Variants in CTNND2 observed in about 807,000 individuals in gnomAD.
The protein encoded by CTNND2 is catenin delta 2.
CTNND2 carries 22 observed loss-of-function variants against 144.4 expected under a neutral mutation model. The ratio of observed to expected loss-of-function variants is 0.15; its 90% CI spans 0.11 to 0.22. The LOEUF (loss-of-function observed/expected upper bound fraction) is 0.22. Ranked by LOEUF, CTNND2 falls within the 10% of genes least tolerant of loss-of-function variation. CTNND2 has a pLI of 1.00. For missense variants in CTNND2, 1,353 were observed against 1,618.8 expected, an observed-to-expected ratio of 0.84 and a Z score of 2.82; for synonymous variants, 751 against 695.6, an observed-to-expected ratio of 1.08 and a Z score of -1.25.
At chr5:11,154,047 A>G (rs2149757888) in intron 12 of CTNND2, among the ~76,000 whole-genome samples, 1 of 152,326 alleles carries the variant, frequency 6.6e-6, no homozygotes, top group African/African-American at 2.4e-5. Context: ...TAGGATATGC[A>G]TCGGTGATAT....
chr5:11,722,435 A>G lies in CTNND2; in HGVS notation c.174+9701T>C, dbSNP rs74505606. ...ATGTGCTCAAAAGGAAATGTGCTAA[A>G]ATAAAAAAGTGCCAACAATAAAAGA... On this transcript the variant is annotated intron_variant, in intron 2 of 21. Transcript: ENST00000304623. 2.8e-4 allele frequency among the ~76,000 whole-genome samples: 42 copies of G among 152,360 alleles called. No individual in the cohort carries two copies. The East Asian group carries it at 6.9e-3, about 25-fold the overall frequency.
chr5:11,138,140 CTGTG>C, intron 12 of CTNND2, among the ~76,000 whole-genome samples: 1 of 152,362 alleles, frequency 6.6e-6, no homozygotes, highest in South Asian at 2.1e-4. Context: ...CTTCTAGCAA[CTGTG>C]TGTATTTCTT....
At chr5:11,198,082 AC>A (rs1352148460) in intron 11 of CTNND2, among the ~76,000 whole-genome samples, 1 of 152,168 alleles carries the variant, frequency 6.6e-6, no homozygotes, top group East Asian at 1.9e-4. Flanking sequence ...GGCAGTTCCA[AC>A]TTAAGCACAA....
chr5:11,457,139 C>T (rs773124786), intron 3 of CTNND2, among the ~76,000 whole-genome samples: 4 of 152,230 alleles, frequency 2.6e-5, no homozygotes, highest in East Asian at 1.9e-4. Flanking sequence ...AGGTGGCTCA[C>T]GTCTGTAATC....
In CTNND2 at chr5:10,988,276, AT is replaced by A; in HGVS notation, c.3212-35del. 6.2e-7 allele frequency: 1 copy of A among 1,613,152 alleles called. No individual in the cohort carries two copies. Among genetic ancestry groups the A allele is most frequent in the Non-Finnish European group, 8.5e-7 (1 of 1,179,436 alleles). ...AGAAATCAAAAGGGGGATTTTCTGCATCTCATCCCACAGCGTGTGTGCCTTC... is the reference window on the plus strand; with the variant it reads ...AGAAATCAAAAGGGGGATTTTCTGCACTCATCCCACAGCGTGTGTGCCTTC... On this transcript the variant is annotated intron_variant, in intron 19 of 21. Coordinates refer to ENST00000304623, the MANE Select transcript of CTNND2 (RefSeq NM_001332.4). The surrounding 1 kb of genome is among the most constrained non-coding windows in gnomAD (Gnocchi z 5.9).
In CTNND2 at chr5:10,973,301, T is replaced by C. The variant is rs1579907076; in HGVS notation, c.*152A>G. 9.0e-6 allele frequency: 7 copies of C among 778,422 alleles called. No homozygotes were observed. The highest frequency in any genetic ancestry group is 3.9e-4 in the Middle Eastern group (1 of 2,576). 48.2% of individuals were successfully genotyped at this position (778,422 alleles called of 1,614,324 possible). On this transcript the variant is annotated 3_prime_UTR_variant, in exon 22 of 22. Coordinates refer to ENST00000304623, the MANE Select transcript of CTNND2 (RefSeq NM_001332.4). This position sits in a 1 kb window ranked among gnomAD's most constrained non-coding sequence, Gnocchi z 5.6. ...TTGCGATTCATTTAGCTTTCTAAAATAGCTCTTAATATTTCCTTACTGGTT... is the reference window on the plus strand; with the variant it reads ...TTGCGATTCATTTAGCTTTCTAAAACAGCTCTTAATATTTCCTTACTGGTT...
intron 16 of CTNND2, among the ~76,000 whole-genome samples, chr5:11,067,195 A>G (rs2400006): frequency 0.75 from 113,888 of 152,108 alleles, 43,316 homozygotes; most frequent in East Asian, 0.93. Context: ...CCAGGTATTG[A>G]TATAAGGTAG....
At chr5:11,181,033 C>T (rs761015930) in intron 11 of CTNND2, among the ~76,000 whole-genome samples, 13 of 152,108 alleles carry the variant, frequency 8.5e-5, no homozygotes, top group Non-Finnish European at 1.8e-4. Flanking sequence ...GCAGGTTAGG[C>T]AGGCTGGGCA....
chr5:11,835,881 T>C (rs1794150853), intron 1 of CTNND2, among the ~76,000 whole-genome samples: 1 of 152,224 alleles, frequency 6.6e-6, no homozygotes, highest in Non-Finnish European at 1.5e-5. Flanking sequence ...TTTTCTTTTT[T>C]TTCCTAGAGT....
At chr5:11,711,412 T>G (rs1466966159) in intron 2 of CTNND2, among the ~76,000 whole-genome samples, 1 of 152,192 alleles carries the variant, frequency 6.6e-6, no homozygotes, top group Non-Finnish European at 1.5e-5. Context: ...ATAGTCCTAA[T>G]TTTAACATGT....
intron 9 of CTNND2, among the ~76,000 whole-genome samples, chr5:11,258,814 A>T (rs971366251): frequency 1.3e-5 from 2 of 152,242 alleles, no homozygotes; most frequent in Non-Finnish European, 2.9e-5. Flanking sequence ...GGTGCATTTC[A>T]ACAGAAAAAT....
chr5:11,867,069 A>C (rs138406296), intron 1 of CTNND2, among the ~76,000 whole-genome samples: 35 of 152,316 alleles, frequency 2.3e-4, no homozygotes, highest in African/African-American at 8.4e-4. Context: ...GTTCTGATCC[A>C]AGCTCACATT....
At chr5:11,545,325 A>G (rs1371629889) in intron 3 of CTNND2, among the ~76,000 whole-genome samples, 2 of 151,602 alleles carry the variant, frequency 1.3e-5, no homozygotes, top group South Asian at 2.1e-4. Context: ...ATCTCAATCA[A>G]TCAATAAATC....
At chr5:11,218,374 C>A (rs1739436049) in intron 10 of CTNND2, among the ~76,000 whole-genome samples, 1 of 152,100 alleles carries the variant, frequency 6.6e-6, no homozygotes, top group South Asian at 2.1e-4. Flanking sequence ...CATTTGTAAG[C>A]CCGATAATCA....
chr5:11,006,034 G>A (rs1740441566), intron 18 of CTNND2, among the ~76,000 whole-genome samples: 2 of 152,126 alleles, frequency 1.3e-5, no homozygotes, highest in East Asian at 3.9e-4. Flanking sequence ...AAGTTCTCAT[G>A]AGACAGGTTC....
intron 2 of CTNND2, among the ~76,000 whole-genome samples, chr5:11,639,804 A>G (rs1480259552): frequency 2.6e-5 from 4 of 152,178 alleles, no homozygotes; most frequent in South Asian, 2.1e-4. Flanking sequence ...GAAACTAAAC[A>G]TACACTGATT....
At chr5:11,094,136 G>T (rs190862253) in intron 15 of CTNND2, among the ~76,000 whole-genome samples, 2 of 152,248 alleles carry the variant, frequency 1.3e-5, no homozygotes, top group Admixed American at 6.5e-5. Context: ...TCATGCCTGA[G>T]AACTATCCCA....
intron 2 of CTNND2, among the ~76,000 whole-genome samples, chr5:11,717,680 G>C (rs1234256676): frequency 1.3e-5 from 2 of 152,110 alleles, no homozygotes; most frequent in African/African-American, 4.8e-5. Flanking sequence ...AATCATGGCA[G>C]AAGGCAAAGG....
chr5:11,645,263 A>C (rs981569640), intron 2 of CTNND2, among the ~76,000 whole-genome samples: 1 of 152,102 alleles, frequency 6.6e-6, no homozygotes, highest in Non-Finnish European at 1.5e-5. Context: ...CACCATGCCC[A>C]GTCTAATTTT....
Sources: gnomAD v4.1 joint callset for allele counts (sites outside exome capture counted in the v4.1 genomes callset) on GRCh38, gnomAD v4.1.1 for gene constraint, Gnocchi (gnomAD v3.1) non-coding constraint, MANE v1.5 for transcripts, NCBI Gene and HGNC (gene_info 2026-07-23, HGNC 2026-07-21) for gene names.